Variants in CACNA2D3 observed in about 807,000 individuals in gnomAD.
The protein encoded by CACNA2D3 is calcium voltage-gated channel auxiliary subunit alpha2delta 3.
A neutral mutation model predicts 160.6 loss-of-function variants in CACNA2D3; 60 were observed. The observed-to-expected ratio is 0.37, with a 90% confidence interval of 0.30 to 0.46. CACNA2D3 has a LOEUF of 0.46. CACNA2D3 is among the 20% of genes least tolerant of loss of function. CACNA2D3 has a pLI of 1.00. For synonymous variants in CACNA2D3, 558 were observed against 492.9 expected (o/e 1.13, Z -1.75); for missense variants, 1,205 against 1,365.0 (o/e 0.88, Z 1.85).
At chr3:54,647,350 A>G (rs972879336) in intron 11 of CACNA2D3, among the ~76,000 whole-genome samples, 2 of 152,254 alleles carry the variant, frequency 1.3e-5, no homozygotes, top group African/African-American at 4.8e-5. Context: ...GCAATGCTAT[A>G]AAGCATCCGC....
chr3:54,289,169 G>A (rs1703116902), intron 2 of CACNA2D3, among the ~76,000 whole-genome samples: 1 of 152,142 alleles, frequency 6.6e-6, no homozygotes, highest in Admixed American at 6.5e-5. Context: ...CATCATCTCA[G>A]CCCAAAATCT....
chr3:55,009,552 G>C, intron 34 of CACNA2D3, 109 bp downstream of exon 34: 1 of 1,044,380 alleles, frequency 9.6e-7, no homozygotes, highest in Non-Finnish European at 1.5e-6. Context: ...CCAGGACAAA[G>C]TGATGATTTT....
chr3:54,134,735 C>T (rs1460502247), intron 2 of CACNA2D3, among the ~76,000 whole-genome samples: 1 of 152,240 alleles, frequency 6.6e-6, no homozygotes, highest in African/African-American at 2.4e-5. Context: ...ACAAGCCGGT[C>T]CTCAGTTCTC....
intron 4 of CACNA2D3, among the ~76,000 whole-genome samples, chr3:54,492,269 A>G (rs912796139): frequency 3.3e-5 from 5 of 152,178 alleles, no homozygotes; most frequent in Non-Finnish European, 5.9e-5. Context: ...CAGAACTGTC[A>G]AGGTATAACA....
Position 54,267,997 on chromosome 3 carries a change from A to G in CACNA2D3, c.205-52445A>G, listed in dbSNP as rs1007800841. ...ATCCCTTTGGTTGCTCTGAGTTAGA[A>G]TTGATGAAAAAATAAAGAAGGGAAA... On this transcript the variant is annotated intron_variant, in intron 2 of 37. Coordinates refer to ENST00000474759, the MANE Select transcript of CACNA2D3 (RefSeq NM_018398.3). 3.9e-4 allele frequency among the ~76,000 whole-genome samples: 59 copies of G among 152,302 alleles called. 1 individual carries two copies. The highest frequency in any genetic ancestry group is 6.8e-3 in the Middle Eastern group (2 of 294).
chr3:54,284,136 T>A (rs1702951553), intron 2 of CACNA2D3, among the ~76,000 whole-genome samples: 1 of 152,212 alleles, frequency 6.6e-6, no homozygotes, highest in Non-Finnish European at 1.5e-5. Context: ...CTTTTTCCCT[T>A]TTAAATGGTT....
Position 54,346,401 on chromosome 3 carries a change from T to TCA in CACNA2D3, c.321+25843_321+25844insCA, listed in dbSNP as rs1257419993. ...TCTCCTTTAGAATACCAAATAGCCT[T>TCA]TGCCATAGTTATCTGTTTCCTCTTC... is the stretch of plus-strand genomic sequence containing the variant. On this transcript the variant is annotated intron_variant, in intron 3 of 37. Coordinates refer to ENST00000474759, the MANE Select transcript of CACNA2D3 (RefSeq NM_018398.3). Among the ~76,000 whole-genome samples the TCA allele has an allele frequency of 1.2e-4, 18 of 152,220 alleles. No homozygotes were observed. The Middle Eastern group carries it at 0.01, about 86-fold the overall frequency.
chr3:54,975,746 T>C (rs1426507288), intron 29 of CACNA2D3, among the ~76,000 whole-genome samples: 4 of 151,826 alleles, frequency 2.6e-5, no homozygotes, highest in Non-Finnish European at 5.9e-5. Context: ...GATTATTCTG[T>C]AGCAAGTTGT....
At chr3:54,232,121 A>G (rs1040802250) in intron 2 of CACNA2D3, among the ~76,000 whole-genome samples, 5 of 152,234 alleles carry the variant, frequency 3.3e-5, no homozygotes, top group Non-Finnish European at 7.3e-5. Flanking sequence ...TATATGATAC[A>G]CAGGTGTGCT....
intron 2 of CACNA2D3, among the ~76,000 whole-genome samples, chr3:54,249,528 A>AGTT (rs1213660254): frequency 7.0e-6 from 1 of 142,354 alleles, no homozygotes; most frequent in Non-Finnish European, 1.5e-5. Flanking sequence ...TGTGAGAACC[A>AGTT]GTTCCTTAGA....
chr3:54,148,329 A>G (rs1281113835), intron 2 of CACNA2D3, among the ~76,000 whole-genome samples: 2 of 152,218 alleles, frequency 1.3e-5, no homozygotes. Context: ...GCCTTCCAGT[A>G]CAGGCTGCAG....
At chr3:54,474,051 T>G (rs1395695378) in intron 4 of CACNA2D3, among the ~76,000 whole-genome samples, 1 of 152,190 alleles carries the variant, frequency 6.6e-6, no homozygotes, top group Non-Finnish European at 1.5e-5. Context: ...TTACTGGGTA[T>G]ATACCCAAAG....
At chr3:54,686,143 G>A (rs1237394649) in intron 11 of CACNA2D3, among the ~76,000 whole-genome samples, 2 of 152,212 alleles carry the variant, frequency 1.3e-5, no homozygotes, top group Admixed American at 6.5e-5. Flanking sequence ...CAATCTGTGG[G>A]CCAAGTCTGG....
chr3:54,179,506 G>A (rs1700741376), intron 2 of CACNA2D3, among the ~76,000 whole-genome samples: 1 of 152,214 alleles, frequency 6.6e-6, no homozygotes, highest in Non-Finnish European at 1.5e-5. Flanking sequence ...GCCCAGTGGT[G>A]GAGGAAACGC....
At chr3:54,695,731 A>G (rs781175748) in intron 11 of CACNA2D3, among the ~76,000 whole-genome samples, 1 of 152,232 alleles carries the variant, frequency 6.6e-6, no homozygotes, top group African/African-American at 2.4e-5. Flanking sequence ...GAATGACTCA[A>G]GACTTTTGCC....
chr3:54,379,062 T>TTCC (rs1450804972), intron 3 of CACNA2D3, among the ~76,000 whole-genome samples: 2 of 152,222 alleles, frequency 1.3e-5, no homozygotes, highest in Non-Finnish European at 2.9e-5. Flanking sequence ...CAGTGTAGCC[T>TTCC]TATACAATCT....
At chr3:55,073,331 C>T in intron 35 of CACNA2D3, 114 bp from the exon 36 acceptor site, 1 of 689,652 alleles carries the variant, frequency 1.5e-6, no homozygotes, top group Non-Finnish European at 2.6e-6. Context: ...AAATAGTCTC[C>T]AAAATTTGCT....
At chr3:54,549,134 C>T (rs1702112266) in intron 5 of CACNA2D3, among the ~76,000 whole-genome samples, 1 of 152,174 alleles carries the variant, frequency 6.6e-6, no homozygotes, top group Non-Finnish European at 1.5e-5. Context: ...AGAGTCAGCA[C>T]TTGGCCTTTT....
At chr3:54,853,283 T>C (rs916760895) in intron 17 of CACNA2D3, among the ~76,000 whole-genome samples, 10 of 152,210 alleles carry the variant, frequency 6.6e-5, no homozygotes, top group African/African-American at 2.2e-4. Flanking sequence ...CCTTTGTGAA[T>C]AGCTGGGAGT....
Sources: gnomAD v4.1 joint callset for allele counts (sites outside exome capture counted in the v4.1 genomes callset) on GRCh38, gnomAD v4.1.1 for gene constraint, MANE v1.5 for transcripts, NCBI Gene and HGNC (gene_info 2026-07-23, HGNC 2026-07-21) for gene names.